CEP70: variants seen among roughly 807,000 people sequenced by gnomAD.
CEP70 encodes centrosomal protein 70.
A neutral mutation model predicts 90.9 loss-of-function variants in CEP70; 70 were observed. The observed-to-expected ratio is 0.77, with a 90% CI of 0.64 to 0.94. The LOEUF is 0.94. Ranked by LOEUF, CEP70 falls within the 40% of genes least tolerant of loss-of-function variation. The probability of loss-of-function intolerance (pLI) is 0.00; values close to 1 mark genes in which losing one functional copy is unlikely to be tolerated. For synonymous variants in CEP70, 220 were observed against 228.3 expected (o/e 0.96, Z 0.33); for missense variants, 648 against 669.0 (o/e 0.97, Z 0.35).
chr3:138,529,219 G>A lies in CEP70; in HGVS notation c.849C>T (p.Leu283=), dbSNP rs2037579441. 6.2e-7 allele frequency: 1 copy of A among 1,600,208 alleles called. No individual in the cohort carries two copies. Among genetic ancestry groups the A allele is most frequent in the Non-Finnish European group, 8.5e-7 (1 of 1,174,668 alleles). The part of the protein sequence containing the change: ...IDALSSEKLN[L]QKDLETRPTQ... ...CTCACCTGGTTTCCAAATCTTTTTG[G>A]AGGTTCAGCTTTTCACTTGAAAGTG... Residue 283 remains leucine, a synonymous_variant, in exon 10 of 18, where the codon CTC becomes CTT. Transcript: ENST00000264982.
chr3:138,529,783 C>T (rs889698322), intron 8 of CEP70, among the ~76,000 whole-genome samples: 3 of 152,064 alleles, frequency 2.0e-5, no homozygotes, highest in Non-Finnish European at 4.4e-5. Context: ...AATAAACAAA[C>T]GAAACATAGG....
chr3:138,531,040 A>G (rs560112849), intron 8 of CEP70, among the ~76,000 whole-genome samples: 3 of 152,248 alleles, frequency 2.0e-5, no homozygotes, highest in Admixed American at 1.3e-4. Context: ...ACTTCCCTCA[A>G]TAAGACATCC....
intron 2 of CEP70, among the ~76,000 whole-genome samples, chr3:138,580,946 A>C (rs983124868): frequency 6.6e-6 from 1 of 152,070 alleles, no homozygotes; most frequent in African/African-American, 2.4e-5. Flanking sequence ...GAGCCTGAAC[A>C]CAGGCTATTT....
intron 11 of CEP70, 57 bp downstream of exon 11, chr3:138,525,433 A>G (rs1166823576): frequency 6.4e-6 from 4 of 621,158 alleles, no homozygotes; most frequent in Non-Finnish European, 1.0e-5. Context: ...AATAAAAATA[A>G]ATAAATAAAA....
At chr3:138,567,796 C>G (rs964456799) in intron 6 of CEP70, among the ~76,000 whole-genome samples, 1 of 152,120 alleles carries the variant, frequency 6.6e-6, no homozygotes, top group Non-Finnish European at 1.5e-5. Flanking sequence ...ATGGGTTTCT[C>G]CCATGTATAT....
intron 16 of CEP70, among the ~76,000 whole-genome samples, chr3:138,498,748 C>A (rs2034192817): frequency 6.6e-6 from 1 of 151,810 alleles, no homozygotes; most frequent in African/African-American, 2.4e-5. Context: ...TCCTATTAAA[C>A]ATTAAGAAAA....
rs1296862683 is a variant in CEP70, at chr3:138,521,337, G to A, written c.944+4153C>T. Reference sequence around the variant, plus strand: ...TGGGAAGTGAGGAGTGCCTCTTCCCGGCCGCCACCCCGTCTGGGAAGTGAG... The same window carrying A: ...TGGGAAGTGAGGAGTGCCTCTTCCCAGCCGCCACCCCGTCTGGGAAGTGAG... On this transcript the variant is annotated intron_variant, in intron 11 of 17. Coordinates refer to ENST00000264982, the MANE Select transcript of CEP70 (RefSeq NM_024491.4). 4.0e-5 allele frequency among the ~76,000 whole-genome samples: 6 copies of A among 151,610 alleles called. 1 individual carries two copies. The highest frequency in any genetic ancestry group is 7.4e-5 in the Non-Finnish European group (5 of 67,908).
intron 11 of CEP70, among the ~76,000 whole-genome samples, 194 bp from the exon 12 acceptor site, chr3:138,508,738 T>A (rs1242050746): frequency 2.7e-5 from 4 of 146,272 alleles, no homozygotes; most frequent in East Asian, 2.0e-4. Context: ...TAAAAAAAAT[T>A]TTTTTTTTTT....
At chr3:138,551,756 A>T (rs1202590303) in intron 6 of CEP70, among the ~76,000 whole-genome samples, 7 of 137,454 alleles carry the variant, frequency 5.1e-5, no homozygotes, top group South Asian at 2.2e-4. Context: ...AAAAAAAAAA[A>T]AATAAAATAA....
At chr3:138,500,368 G>T (rs565361288) in intron 15 of CEP70, 31 bp downstream of exon 15, 6 of 1,549,614 alleles carry the variant, frequency 3.9e-6, no homozygotes, top group Admixed American at 2.1e-5. Context: ...ATTCTTAAAT[G>T]GGGGCCCAAA....
intron 6 of CEP70, among the ~76,000 whole-genome samples, chr3:138,561,976 T>C (rs1475589582): frequency 5.3e-5 from 8 of 150,340 alleles, no homozygotes; most frequent in Non-Finnish European, 1.0e-4. Flanking sequence ...TGAGCCGAGA[T>C]TGTGCCACTG....
At chr3:138,569,303 T>G (rs1219784185) in intron 6 of CEP70, among the ~76,000 whole-genome samples, 2 of 152,180 alleles carry the variant, frequency 1.3e-5, no homozygotes, top group Non-Finnish European at 2.9e-5. Flanking sequence ...ACTGCTCCCT[T>G]TTAGATAGCC....
chr3:138,529,958 G>A (rs377192989), intron 8 of CEP70, among the ~76,000 whole-genome samples: 3 of 152,294 alleles, frequency 2.0e-5, no homozygotes, highest in East Asian at 3.9e-4. Context: ...CCACTAACTA[G>A]TTGTATTATT....
At chr3:138,530,971 A>T in intron 8 of CEP70, 1 of 304,220 alleles carries the variant, frequency 3.3e-6, no homozygotes, top group Non-Finnish European at 4.8e-6. Context: ...ATTGCTGCAA[A>T]TTTTCTCATT....
chr3:138,583,113 A>T (rs1560461927), intron 2 of CEP70, among the ~76,000 whole-genome samples: 1 of 152,192 alleles, frequency 6.6e-6, no homozygotes, highest in Non-Finnish European at 1.5e-5. Flanking sequence ...AAATTAAGAA[A>T]TGGAAAAGGA....
intron 9 of CEP70, 35 bp downstream of exon 9, chr3:138,529,340 T>C (rs2037595252): frequency 1.3e-6 from 2 of 1,567,206 alleles, no homozygotes; most frequent in Non-Finnish European, 1.7e-6. Flanking sequence ...ACTTAGTTTA[T>C]TAAAAAGTAT....
At position 138,544,873 on chromosome 3, in the gene CEP70, G is replaced by C. The variant is rs142067476; in HGVS notation, c.466-7526C>G. ...ACCAAAAAAGCAGATCTCAGAAAGAGAGAGCAAAACAGTGGTTAACAGAGG... is the reference window on the plus strand; with the variant it reads ...ACCAAAAAAGCAGATCTCAGAAAGACAGAGCAAAACAGTGGTTAACAGAGG... On this transcript the variant is annotated intron_variant, in intron 6 of 17. Transcript: ENST00000264982. Among the ~76,000 whole-genome samples, 855 of 152,238 alleles carry C rather than the reference G, an allele frequency of 5.6e-3. 7 individuals carry two copies. The highest frequency in any genetic ancestry group is 0.02 in the African/African-American group (823 of 41,516).
chr3:138,523,681 C>T (rs2036913323), intron 11 of CEP70, among the ~76,000 whole-genome samples: 1 of 152,084 alleles, frequency 6.6e-6, no homozygotes. Context: ...CGTGAAGGAC[C>T]TCTTCAAGGA....
chr3:138,533,078 G>A (rs1192887617), intron 7 of CEP70, among the ~76,000 whole-genome samples: 5 of 152,114 alleles, frequency 3.3e-5, no homozygotes, highest in East Asian at 1.9e-4. Flanking sequence ...TCAGCAGTTC[G>A]AGACTATCCT....
Sources: gnomAD v4.1 joint callset for allele counts (sites outside exome capture counted in the v4.1 genomes callset) on GRCh38, gnomAD v4.1.1 for gene constraint, MANE v1.5 for transcripts, NCBI Gene and HGNC (gene_info 2026-07-23, HGNC 2026-07-21) for gene names.